UGT1A3: variants seen among roughly 807,000 people sequenced by gnomAD.
UGT1A3 encodes the protein UDP-glucuronosyltransferase 1A3.
In UGT1A3, 31 loss-of-function variants were observed where a neutral mutation model predicts 41.0. That is an observed-to-expected ratio of 0.76 (90% CI 0.57 to 1.02). UGT1A3 has a LOEUF of 1.02. Ranked by LOEUF, UGT1A3 falls within the 50% of genes least tolerant of loss-of-function variation. The pLI, the probability that UGT1A3 is intolerant of heterozygous loss-of-function variation, is 0.00. For missense variants in UGT1A3, 737 were observed against 671.0 expected (o/e 1.10, Z -1.09); for synonymous variants, 262 against 257.6 (o/e 1.02, Z -0.17).
chr2:233,772,522 G>A lies in UGT1A3; in HGVS notation c.1568G>A (p.Gly523Glu). The A allele has an allele frequency of 6.2e-7, 1 of 1,614,168 alleles. No homozygotes were observed. Among genetic ancestry groups the A allele is most frequent in the Non-Finnish European group, 8.5e-7 (1 of 1,180,032 alleles). ...YGYRKCLGKK[G>E]RVKKAHKSKT... ...TACCGGAAATGCTTGGGGAAAAAAG[G>A]GCGAGTTAAGAAAGCCCACAAATCC... The change falls in exon 5 of 5, where the codon GGG becomes GAG. Residue 523 changes from glycine to glutamate, a missense_variant. Gly to Glu is a moderately conservative substitution (Grantham distance 98). Coordinates refer to ENST00000482026, the MANE Select transcript of UGT1A3 (RefSeq NM_019093.4).
chr2:233,758,436 A>T (rs532506840), intron 1 of UGT1A3, among the ~76,000 whole-genome samples: 9 of 152,370 alleles, frequency 5.9e-5, no homozygotes, highest in African/African-American at 1.9e-4. Context: ...CTCACACAGC[A>T]TTGGGACTTT....
In UGT1A3 at chr2:233,755,092, A is replaced by T. The variant is rs549594693; in HGVS notation, c.868-11942A>T. ...TAGCGGTCATAGATATCGCGTTTCT[A>T]CGCGTCCGACAACACCTCGTAGGCC... On this transcript the variant is annotated intron_variant, in intron 1 of 4. Transcript: ENST00000482026. 773 of 1,335,120 alleles carry T rather than the reference A, an allele frequency of 5.8e-4. 7 individuals carry two copies. Among genetic ancestry groups the T allele is most frequent in the Non-Finnish European group, 7.2e-4 (712 of 992,672 alleles). 82.7% of individuals were successfully genotyped at this position (1,335,120 alleles called of 1,614,324 possible).
intron 1 of UGT1A3, among the ~76,000 whole-genome samples, chr2:233,732,928 C>A (rs2078337101): frequency 6.6e-6 from 1 of 152,058 alleles, no homozygotes; most frequent in African/African-American, 2.4e-5. Flanking sequence ...GATATTGATT[C>A]TTCCTATCCA....
chr2:233,769,533 A>G lies in UGT1A3; in HGVS notation c.1307+1094A>G. The G allele has an allele frequency of 6.2e-7, 1 of 1,612,916 alleles. No homozygotes were observed. The highest frequency in any genetic ancestry group is 8.5e-7 in the Non-Finnish European group (1 of 1,179,872). On this transcript the variant is annotated intron_variant, in intron 4 of 4. Transcript: ENST00000482026. The surrounding 1 kb of genome is among the most constrained non-coding windows in gnomAD (Gnocchi z 4.4). Reference sequence around the variant, plus strand: ...TCTCCCATGGTTACCTCCTTTAGAAAGAAGCAGCAGTCAGGAAGACAGATG... The same window carrying G: ...TCTCCCATGGTTACCTCCTTTAGAAGGAAGCAGCAGTCAGGAAGACAGATG...
intron 1 of UGT1A3, among the ~76,000 whole-genome samples, chr2:233,762,105 C>G (rs879435361): frequency 5.9e-5 from 9 of 151,972 alleles, no homozygotes; most frequent in African/African-American, 2.2e-4. Context: ...GTTGATTGTC[C>G]GCTTCACATC....
intron 1 of UGT1A3, chr2:233,752,532 T>G (rs1694995506): frequency 6.6e-6 from 1 of 152,250 alleles, no homozygotes; most frequent in African/African-American, 2.4e-5. Context: ...AAAAATTCTT[T>G]AAATAAAATG....
Position 233,729,186 on chromosome 2 carries a change from C to G in UGT1A3, c.60C>G (p.Leu20=). 1 of 1,613,952 alleles carries G rather than the reference C, an allele frequency of 6.2e-7. No individual in the cohort carries two copies. The highest frequency in any genetic ancestry group is 8.5e-7 in the Non-Finnish European group (1 of 1,179,906). The change falls in exon 1 of 5, where the codon CTC becomes CTG. Residue 20 remains leucine (L), a synonymous_variant. Transcript: ENST00000482026. Reference sequence around the variant, plus strand: ...TGGCCACAGGACTGCTGCTTCTCCTCAGTGTCCAGCCCTGGGCTGAGAGTG... The same window carrying G: ...TGGCCACAGGACTGCTGCTTCTCCTGAGTGTCCAGCCCTGGGCTGAGAGTG... ...PWLATGLLLL[L]SVQPWAESGK... is the part of the protein sequence containing the mutation.
Position 233,759,383 on chromosome 2 carries a change from T to C in UGT1A3, c.868-7651T>C, listed in dbSNP as rs370369012. Among the ~76,000 whole-genome samples, 14 of 152,308 alleles carry C rather than the reference T, an allele frequency of 9.2e-5. No homozygotes were observed. The East Asian group carries it at 2.7e-3, about 29-fold the overall frequency. ...TATAAAAAGGTACAGGTTTTCAGGA[T>C]ACTCAGAGTAACCGTGTGACCTGTA... On this transcript the variant is annotated intron_variant, in intron 1 of 4. Coordinates refer to ENST00000482026, the MANE Select transcript of UGT1A3 (RefSeq NM_019093.4).
intron 1 of UGT1A3, among the ~76,000 whole-genome samples, chr2:233,737,484 A>G (rs561393011): frequency 6.6e-6 from 1 of 152,316 alleles, no homozygotes; most frequent in East Asian, 1.9e-4. Context: ...TGTCTAGGAA[A>G]GGGAAATCCC....
At chr2:233,770,225 G>C (rs747501170) in intron 4 of UGT1A3, 1 of 152,132 alleles carries the variant, frequency 6.6e-6, no homozygotes, top group Admixed American at 6.5e-5. Flanking sequence ...CTGTCTGATT[G>C]TGAATCTCCA....
chr2:233,767,766 CT>C, intron 2 of UGT1A3, 82 bp from the exon 3 acceptor site: 1 of 1,609,200 alleles, frequency 6.2e-7, no homozygotes, highest in South Asian at 1.1e-5. Flanking sequence ...CAGAGGACCC[CT>C]GTTTTCTAGT....
At position 233,773,233 on chromosome 2, in the gene UGT1A3, G is replaced by A. The variant is rs1473113676; in HGVS notation, c.*674G>A. 1 of 152,016 alleles carries A rather than the reference G, an allele frequency of 6.6e-6. No homozygotes were observed. The highest frequency in any genetic ancestry group is 1.5e-5 in the Non-Finnish European group (1 of 67,958). The allele number at this position is 152,016 out of a possible 1,614,324, so 9.4% of individuals were successfully genotyped here. ...CCCAAAATACAGCTATGAAGTGCTGGGCAAGTTTACTTTTTTTCTGATGTT... is the reference window on the plus strand; with the variant it reads ...CCCAAAATACAGCTATGAAGTGCTGAGCAAGTTTACTTTTTTTCTGATGTT... On this transcript the variant is annotated 3_prime_UTR_variant, in exon 5 of 5. Transcript: ENST00000482026.
chr2:233,743,311 AT>A, intron 1 of UGT1A3: 5 of 650,736 alleles, frequency 7.7e-6, no homozygotes, highest in South Asian at 3.0e-5. Context: ...CTTGGTGGTG[AT>A]TTTTTTACCA....
At position 233,744,394 on chromosome 2, in the gene UGT1A3, G is replaced by A. The variant is rs528448877; in HGVS notation, c.867+14401G>A. On this transcript the variant is annotated intron_variant, in intron 1 of 4. Coordinates refer to ENST00000482026, the MANE Select transcript of UGT1A3 (RefSeq NM_019093.4). ...TGCAGTTCTCCAACGTTCCAGCCCC[G>A]GTGCCCATTTGCTTTTGTTCATGTG... is the stretch of plus-strand genomic sequence containing the variant. 5.9e-5 allele frequency among the ~76,000 whole-genome samples: 9 copies of A among 151,928 alleles called. No homozygotes were observed. The South Asian group carries it at 6.2e-4, about 11-fold the overall frequency.
chr2:233,742,167 C>G (rs1211667030), intron 1 of UGT1A3, among the ~76,000 whole-genome samples: 2 of 151,916 alleles, frequency 1.3e-5, no homozygotes, highest in Non-Finnish European at 2.9e-5. Flanking sequence ...GACACACACA[C>G]AGAAATATAG....
chr2:233,755,016 T>C (rs1695690750), intron 1 of UGT1A3: 1 of 1,296,724 alleles, frequency 7.7e-7, no homozygotes, highest in Non-Finnish European at 1.0e-6. Context: ...CTCGAAGGGG[T>C]CCTTGAAGGG....
At chr2:233,750,124 G>C (rs1694369237) in intron 1 of UGT1A3, among the ~76,000 whole-genome samples, 1 of 151,918 alleles carries the variant, frequency 6.6e-6, no homozygotes, top group South Asian at 2.1e-4. Context: ...GAAGATGTGG[G>C]AAAGTTTGGA....
At chr2:233,748,948 C>T (rs1323524016) in intron 1 of UGT1A3, among the ~76,000 whole-genome samples, 1 of 151,628 alleles carries the variant, frequency 6.6e-6, no homozygotes, top group Non-Finnish European at 1.5e-5. Context: ...CCACCCTATC[C>T]CACTCCAAGT....
At position 233,767,094 on chromosome 2, in the gene UGT1A3, T is replaced by C; in HGVS notation, c.928T>C (p.Ser310Pro). The change falls in exon 2 of 5, where the codon TCA (serine) becomes CCA (proline). Residue 310 changes from serine (S) to proline (P), a missense_variant. Ser to Pro is a moderately conservative substitution (Grantham distance 74). Transcript: ENST00000482026. ...EHGIVVFSLG[S>P]MVSEIPEKKA... is the part of the protein sequence containing the mutation. The stretch of plus-strand genomic sequence containing the variant: ...TGGAATTGTGGTTTTCTCTTTGGGA[T>C]CAATGGTCTCAGAAATTCCAGAGAA... The C allele has an allele frequency of 1.2e-6, 2 of 1,614,120 alleles. No individual in the cohort carries two copies. The highest frequency in any genetic ancestry group is 1.7e-6 in the Non-Finnish European group (2 of 1,180,014).
Sources: allele counts gnomAD v4.1 joint callset (sites outside exome capture counted in the v4.1 genomes callset), GRCh38; gene constraint gnomAD v4.1.1; non-coding constraint Gnocchi (gnomAD v3.1); transcripts MANE v1.5; gene names NCBI Gene and HGNC (gene_info 2026-07-23, HGNC 2026-07-21).